The following CDH11 variants were observed in gnomAD, a reference collection of about 807,000 sequenced individuals.
CDH11 encodes cadherin-11.
A neutral mutation model predicts 67.8 loss-of-function variants in CDH11; 11 were observed. The ratio of observed to expected loss-of-function variants is 0.16; its 90% CI spans 0.10 to 0.27. The LOEUF (loss-of-function observed/expected upper bound fraction) is 0.27. Among genes scored for constraint, CDH11 ranks in the 10% least tolerant of loss-of-function variants. The probability of loss-of-function intolerance (pLI) is 1.00; values close to 1 mark genes in which losing one functional copy is unlikely to be tolerated. For synonymous variants in CDH11, 419 were observed against 400.0 expected (o/e 1.05, Z -0.57); for missense variants, 847 against 1,031.2 (o/e 0.82, Z 2.45).
chr16:64,956,542 T>C (rs2071517133), intron 11 of CDH11, among the ~76,000 whole-genome samples: 1 of 152,240 alleles, frequency 6.6e-6, no homozygotes, highest in South Asian at 2.1e-4. Context: ...TTTTCAAGCA[T>C]CTTGGTTTTT....
upstream of CDH11, chr16:65,122,196 G>C: frequency 1.8e-6 from 1 of 541,790 alleles, no homozygotes; most frequent in African/African-American, 2.0e-5. Context: ...GGGGCTGAGA[G>C]AAGCCGAGGC....
At chr16:65,081,860 T>C (rs2074616872) in intron 1 of CDH11, among the ~76,000 whole-genome samples, 1 of 152,218 alleles carries the variant, frequency 6.6e-6, no homozygotes, top group Admixed American at 6.5e-5. Context: ...TAGATGTGAT[T>C]TGTAGTGTGA....
chr16:64,999,721 G>A (rs763491299), intron 3 of CDH11, among the ~76,000 whole-genome samples: 2 of 152,002 alleles, frequency 1.3e-5, no homozygotes, highest in African/African-American at 2.4e-5. Flanking sequence ...TTTTAGTAGA[G>A]ACAGGGTTTT....
intron 11 of CDH11, among the ~76,000 whole-genome samples, chr16:64,957,600 G>GCGCA (rs144912398): frequency 2.1e-5 from 3 of 145,028 alleles, no homozygotes; most frequent in Non-Finnish European, 4.5e-5. Flanking sequence ...ACATGCCCGT[G>GCGCA]CACACACACA....
rs1393993726 is a variant in CDH11, at chr16:64,971,562, G to A, written c.1642+17C>T. ...CCAGTTCTACTTCTCTGAATGCGTA[G>A]GAACCTTAGTACAAACCTCGGTTGT... On this transcript the variant is annotated intron_variant, in intron 11 of 12. Transcript: ENST00000268603. The A allele has an allele frequency of 6.8e-7, 1 of 1,473,538 alleles. No individual in the cohort carries two copies. The highest frequency in any genetic ancestry group is 9.4e-7 in the Non-Finnish European group (1 of 1,058,290). 91.3% of individuals were successfully genotyped at this position (1,473,538 alleles called of 1,614,324 possible).
chr16:65,037,985 T>G (rs566408135), intron 2 of CDH11, among the ~76,000 whole-genome samples: 1 of 152,126 alleles, frequency 6.6e-6, no homozygotes, highest in African/African-American at 2.4e-5. Flanking sequence ...CAAGAAGTGT[T>G]CATTCTTTTT....
At chr16:65,002,512 A>T (rs904138641) in intron 3 of CDH11, among the ~76,000 whole-genome samples, 3 of 152,318 alleles carry the variant, frequency 2.0e-5, no homozygotes, top group Non-Finnish European at 4.4e-5. Context: ...TATGCCAATT[A>T]TTTCCATTTC....
chr16:64,997,727 G>A (rs2072810897), intron 4 of CDH11, among the ~76,000 whole-genome samples: 1 of 152,162 alleles, frequency 6.6e-6, no homozygotes, highest in Non-Finnish European at 1.5e-5. Flanking sequence ...AAAAAGCTCT[G>A]TATGCACAGT....
chr16:64,999,737 G>A (rs1003083081), intron 3 of CDH11, among the ~76,000 whole-genome samples: 6 of 151,958 alleles, frequency 3.9e-5, no homozygotes, highest in Admixed American at 6.6e-5. Context: ...GTTTTACCAT[G>A]TTTCCCAGGC....
intron 7 of CDH11, 102 bp from the exon 8 acceptor site, chr16:64,982,403 G>T: frequency 1.2e-6 from 1 of 851,916 alleles, no homozygotes; most frequent in Non-Finnish European, 1.8e-6. Context: ...TCCTCAAAGA[G>T]AGAAAATCAG....
chr16:65,035,397 G>T (rs544690123), intron 2 of CDH11, among the ~76,000 whole-genome samples: 1 of 152,312 alleles, frequency 6.6e-6, no homozygotes, highest in African/African-American at 2.4e-5. Context: ...GTATTCAAGC[G>T]CAGTGGAAGT....
intron 1 of CDH11, among the ~76,000 whole-genome samples, chr16:65,068,381 G>T (rs2074355508): frequency 8.1e-6 from 1 of 123,442 alleles, no homozygotes; most frequent in Non-Finnish European, 1.6e-5. Context: ...TGAGAAGAAT[G>T]AAGGGAGCTC....
At chr16:65,038,191 T>C (rs1196968855) in intron 2 of CDH11, among the ~76,000 whole-genome samples, 2 of 151,994 alleles carry the variant, frequency 1.3e-5, no homozygotes, top group East Asian at 1.9e-4. Flanking sequence ...ACTGCTGAGA[T>C]TGGGGCTCTG....
chr16:65,052,604 A>G (rs986946724), intron 2 of CDH11, among the ~76,000 whole-genome samples: 1 of 152,168 alleles, frequency 6.6e-6, no homozygotes, highest in Non-Finnish European at 1.5e-5. Context: ...TTCCCATTAA[A>G]GGATCCTAGA....
intron 11 of CDH11, among the ~76,000 whole-genome samples, chr16:64,968,047 G>A (rs1480730268): frequency 6.6e-6 from 1 of 152,122 alleles, no homozygotes; most frequent in Non-Finnish European, 1.5e-5. Flanking sequence ...AAAGACTTTT[G>A]AAATGAATTA....
intron 2 of CDH11, among the ~76,000 whole-genome samples, chr16:65,042,180 G>T (rs1323709506): frequency 6.6e-6 from 1 of 152,226 alleles, no homozygotes; most frequent in Non-Finnish European, 1.5e-5. Context: ...GGACGTAGGG[G>T]TGGGCATGGC....
intron 2 of CDH11, among the ~76,000 whole-genome samples, chr16:65,050,471 G>A (rs1012173826): frequency 6.6e-6 from 1 of 152,186 alleles, no homozygotes; most frequent in South Asian, 2.1e-4. Context: ...ATAGGTGCCT[G>A]TTCAAGAAAG....
At chr16:65,015,983 G>A (rs1432000228) in intron 2 of CDH11, among the ~76,000 whole-genome samples, 1 of 152,110 alleles carries the variant, frequency 6.6e-6, no homozygotes, top group Non-Finnish European at 1.5e-5. Flanking sequence ...CAGAGTATGT[G>A]GATGGAAGCC....
At chr16:65,067,994 G>GGAA (rs1567559200) in intron 1 of CDH11, among the ~76,000 whole-genome samples, 1 of 59,738 alleles carries the variant, frequency 1.7e-5, no homozygotes, top group Non-Finnish European at 4.7e-5. Context: ...AAGGGAGGGA[G>GGAA]GGAAGAAGGG....
Sources: allele counts gnomAD v4.1 joint callset (sites outside exome capture counted in the v4.1 genomes callset), GRCh38; gene constraint gnomAD v4.1.1; transcripts MANE v1.5; gene names NCBI Gene and HGNC (gene_info 2026-07-23, HGNC 2026-07-21).